Variants in SNTG2 observed in about 807,000 individuals in gnomAD.
SNTG2 encodes the protein syntrophin gamma 2.
SNTG2 carries 74 observed loss-of-function variants against 70.9 expected under a neutral mutation model. That is an observed-to-expected ratio of 1.04 (90% confidence interval 0.86 to 1.27). SNTG2 has a LOEUF of 1.27. Ranked by LOEUF, SNTG2 falls within the 50% of genes most tolerant of loss-of-function variation. The pLI, the probability that SNTG2 is intolerant of heterozygous loss-of-function variation, is 0.00. For synonymous variants in SNTG2, 278 were observed against 273.8 expected (o/e 1.02, Z -0.15); for missense variants, 717 against 690.7 (o/e 1.04, Z -0.43).
At chr2:1,031,526 ATATTT>A (rs1251142497) in intron 1 of SNTG2, among the ~76,000 whole-genome samples, 1,656 of 54,010 alleles carry the variant, frequency 0.031, 25 homozygotes, top group Non-Finnish European at 0.041. Flanking sequence ...ATATATATAT[ATATTT>A]TTTTTTTTTT....
intron 1 of SNTG2, among the ~76,000 whole-genome samples, chr2:1,030,862 G>A (rs1486964614): frequency 2.0e-5 from 3 of 152,190 alleles, no homozygotes; most frequent in East Asian, 1.9e-4. Flanking sequence ...CACGTGCACC[G>A]ATGACTATTC....
chr2:1,172,763 C>A (rs1390544538), intron 7 of SNTG2, among the ~76,000 whole-genome samples: 1 of 152,212 alleles, frequency 6.6e-6, no homozygotes, highest in Non-Finnish European at 1.5e-5. Flanking sequence ...CAGAAGGCGC[C>A]TTGTGCTGAC....
chr2:1,220,063 T>A (rs1674649547), intron 9 of SNTG2: 1 of 152,234 alleles, frequency 6.6e-6, no homozygotes, highest in Non-Finnish European at 1.5e-5. Flanking sequence ...CCAAAAAGAA[T>A]CCTGTGGTGA....
intron 9 of SNTG2, among the ~76,000 whole-genome samples, chr2:1,221,437 G>GTCTCTGCCTCTGTCTCTCTCTTTGTCTC (rs1674810604): frequency 1.2e-5 from 1 of 84,954 alleles, no homozygotes; most frequent in Non-Finnish European, 2.4e-5. Flanking sequence ...GTCTCTCTCT[G>GTCTCTGCCTCTGTCTCTCTCTTTGTCTC]TCTCTGTCTC....
intron 6 of SNTG2, among the ~76,000 whole-genome samples, chr2:1,156,941 G>A (rs1481079017): frequency 1.3e-5 from 2 of 152,092 alleles, no homozygotes; most frequent in African/African-American, 4.8e-5. Flanking sequence ...GACCCTTGGA[G>A]GCCAATCTGG....
intron 9 of SNTG2, among the ~76,000 whole-genome samples, chr2:1,224,282 C>CA (rs1178987168): frequency 3.9e-5 from 6 of 152,218 alleles, no homozygotes; most frequent in East Asian, 1.9e-4. Flanking sequence ...GCTAGGGACA[C>CA]TCCACTTTTA....
chr2:1,101,281 G>GGCCCAT (rs1411203038), intron 4 of SNTG2, among the ~76,000 whole-genome samples: 1 of 152,108 alleles, frequency 6.6e-6, no homozygotes, highest in Non-Finnish European at 1.5e-5. Context: ...CCCAGGCCCA[G>GGCCCAT]GCCCACGACC....
intron 14 of SNTG2, among the ~76,000 whole-genome samples, chr2:1,298,665 G>A (rs752944510): frequency 4.2e-4 from 64 of 152,056 alleles, no homozygotes; most frequent in Non-Finnish European, 7.9e-4. Flanking sequence ...TTACCATCCT[G>A]CGCCACTCCA....
intron 7 of SNTG2, among the ~76,000 whole-genome samples, chr2:1,168,349 G>A (rs57651769): frequency 0.083 from 12,622 of 151,482 alleles, 801 homozygotes; most frequent in East Asian, 0.21. Flanking sequence ...CTAACAGAGC[G>A]CCCTGGAACA....
intron 1 of SNTG2, among the ~76,000 whole-genome samples, chr2:1,022,288 G>C (rs1660223895): frequency 6.6e-6 from 1 of 151,712 alleles, no homozygotes; most frequent in Non-Finnish European, 1.5e-5. Context: ...CTTTGTTTTT[G>C]TGAGCCCCTG....
chr2:1,181,720 A>G (rs1671912036), intron 8 of SNTG2, among the ~76,000 whole-genome samples: 1 of 152,148 alleles, frequency 6.6e-6, no homozygotes, highest in South Asian at 2.1e-4. Flanking sequence ...CTGCTTTCCT[A>G]GAAGTCACAT....
intron 1 of SNTG2, among the ~76,000 whole-genome samples, chr2:956,671 G>A (rs765126737): frequency 6.6e-6 from 1 of 152,258 alleles, no homozygotes; most frequent in African/African-American, 2.4e-5. Flanking sequence ...CTGTGAGCCC[G>A]TGGAGGGGCC....
chr2:1,157,208 C>T (rs1669957055), intron 6 of SNTG2, among the ~76,000 whole-genome samples: 1 of 152,210 alleles, frequency 6.6e-6, no homozygotes, highest in African/African-American at 2.4e-5. Context: ...GAGTGGCCAC[C>T]AGTGCTGATC....
chr2:1,178,974 T>A (rs1258393605), intron 8 of SNTG2, among the ~76,000 whole-genome samples: 1 of 152,016 alleles, frequency 6.6e-6, no homozygotes, highest in Admixed American at 6.6e-5. Flanking sequence ...ATTGCCACAA[T>A]TTCAGATCCT....
chr2:1,216,672 A>G (rs1572750350), intron 9 of SNTG2, among the ~76,000 whole-genome samples: 3 of 152,330 alleles, frequency 2.0e-5, no homozygotes, highest in South Asian at 2.1e-4. Context: ...ATGGGAACCC[A>G]CCAGCATGCT....
chr2:971,665 A>G (rs1057326145), intron 1 of SNTG2, among the ~76,000 whole-genome samples: 3 of 140,322 alleles, frequency 2.1e-5, no homozygotes, highest in African/African-American at 7.9e-5. Context: ...ATTCAGTTCA[A>G]CTCTAATTTT....
At chr2:1,058,648 C>A (rs1371148362) in intron 1 of SNTG2, among the ~76,000 whole-genome samples, 1 of 152,216 alleles carries the variant, frequency 6.6e-6, no homozygotes, top group African/African-American at 2.4e-5. Flanking sequence ...TTTCCAGTGT[C>A]CCCCACATTG....
At chr2:1,284,868 C>T (rs1679702444) in intron 14 of SNTG2, among the ~76,000 whole-genome samples, 1 of 150,558 alleles carries the variant, frequency 6.6e-6, no homozygotes, top group African/African-American at 2.5e-5. Context: ...AAACCATATA[C>T]TTACTGTATT....
intron 6 of SNTG2, among the ~76,000 whole-genome samples, chr2:1,159,987 A>G (rs2147839866): frequency 6.6e-6 from 1 of 152,336 alleles, no homozygotes; most frequent in Non-Finnish European, 1.5e-5. Flanking sequence ...TGCGTCCGTG[A>G]GAAAGACTAG....
Sources: allele counts gnomAD v4.1 joint callset (sites outside exome capture counted in the v4.1 genomes callset), GRCh38; gene constraint gnomAD v4.1.1; transcripts MANE v1.5; gene names NCBI Gene and HGNC (gene_info 2026-07-23, HGNC 2026-07-21).